LUC7L: variants seen among roughly 807,000 people sequenced by gnomAD.
The protein encoded by LUC7L is LUC7 like.
LUC7L carries 29 observed loss-of-function variants against 51.1 expected under a neutral mutation model. The observed-to-expected ratio is 0.57, with a 90% CI of 0.42 to 0.77. LUC7L has a LOEUF of 0.77. LUC7L is among the 30% of genes least tolerant of loss of function. The pLI is 0.00. For missense variants in LUC7L, 403 were observed against 511.9 expected (o/e 0.79, Z 2.05); for synonymous variants, 181 against 180.7 (o/e 1.00, Z -0.01).
chr16:203,373 C>T (rs924808528), intron 5 of LUC7L, among the ~76,000 whole-genome samples: 1 of 152,080 alleles, frequency 6.6e-6, no homozygotes, highest in African/African-American at 2.4e-5. Flanking sequence ...CTAACTCCTT[C>T]TATGGGGACA....
intron 6 of LUC7L, among the ~76,000 whole-genome samples, chr16:198,673 G>A (rs181034559): frequency 6.6e-6 from 1 of 152,082 alleles, no homozygotes; most frequent in African/African-American, 2.4e-5. Flanking sequence ...AGTTCTTAGA[G>A]ATCAGAACAT....
chr16:210,482 A>C (rs1278903725), intron 3 of LUC7L, among the ~76,000 whole-genome samples: 1 of 152,176 alleles, frequency 6.6e-6, no homozygotes, highest in Non-Finnish European at 1.5e-5. Flanking sequence ...GGAGCTGACA[A>C]GGGTCACTGT....
intron 7 of LUC7L, among the ~76,000 whole-genome samples, chr16:192,415 T>A (rs557311052): frequency 6.6e-6 from 1 of 152,002 alleles, no homozygotes; most frequent in African/African-American, 2.4e-5. Flanking sequence ...CTCCAACAGC[T>A]TGGATCCCTT....
intron 2 of LUC7L, among the ~76,000 whole-genome samples, chr16:222,977 A>C (rs1156561609): frequency 2.0e-5 from 3 of 150,700 alleles, no homozygotes; most frequent in Admixed American, 6.6e-5. Flanking sequence ...AAAAGAAAGG[A>C]AGGCTTTAAA....
At chr16:224,361 A>T (rs1416642558) in intron 2 of LUC7L, among the ~76,000 whole-genome samples, 1 of 150,992 alleles carries the variant, frequency 6.6e-6, no homozygotes, top group Non-Finnish European at 1.5e-5. Flanking sequence ...TCTACTAAAA[A>T]TACAAAAATT....
intron 3 of LUC7L, among the ~76,000 whole-genome samples, chr16:216,380 G>GTTTTTTTT (rs34292372): frequency 9.3e-6 from 1 of 107,306 alleles, no homozygotes; most frequent in Non-Finnish European, 1.8e-5. Flanking sequence ...TCAAATAGTT[G>GTTTTTTTT]TTTTTTTTTT....
rs574646859 is a variant in LUC7L at position 193,266 on chromosome 16, C to T, written c.688-251G>A. 1.3e-4 allele frequency among the ~76,000 whole-genome samples: 19 copies of T among 151,572 alleles called. 1 individual carries two copies. In the East Asian group the frequency reaches 3.5e-3, roughly 28 times the overall value. On this transcript the variant is annotated intron_variant, in intron 6 of 9. Coordinates refer to ENST00000293872, the MANE Select transcript of LUC7L (RefSeq NM_201412.3). ...AGTTCAACCTATTCTTCTGCCTCGG[C>T]CTCCCAAGTAGCTGGGATTACAGGC...
chr16:190,416 C>G (rs1450731540), intron 8 of LUC7L, 125 bp downstream of exon 8: 1 of 1,044,380 alleles, frequency 9.6e-7, no homozygotes, highest in Non-Finnish European at 1.5e-6. Flanking sequence ...ACCTCTTGCC[C>G]TGTGCCCTTC....
In LUC7L at chr16:206,022, C is replaced by T. The variant is rs144861984; in HGVS notation, c.492G>A (p.Ala164=). The T allele has an allele frequency of 2.0e-4, 320 of 1,610,964 alleles. No homozygotes were observed. The highest frequency in any genetic ancestry group is 4.7e-4 in the South Asian group (42 of 90,220). Residue 164 remains alanine, a synonymous_variant, in exon 5 of 10, where the codon GCG becomes GCA. Coordinates refer to ENST00000293872, the MANE Select transcript of LUC7L (RefSeq NM_201412.3). ...CACCAACCTCAGCTTCTTTTTTCTT[C>T]GCACGAACTTTTTCCACTTCCATAA... ...KILMEVEKVR[A]KKKEAEEEYR... is the part of the protein sequence containing the mutation.
At position 208,107 on chromosome 16, in the gene LUC7L, C is replaced by G. The variant is rs143729686; in HGVS notation, c.337G>C (p.Glu113Gln). 19 of 1,613,546 alleles carry G rather than the reference C, an allele frequency of 1.2e-5. No homozygotes were observed. The highest frequency in any genetic ancestry group is 1.6e-5 in the Non-Finnish European group (19 of 1,179,830). ...LAKKRLAETQ[E>Q]EISAEVSAKA... The stretch of plus-strand genomic sequence containing the variant: ...GCAGAAACTTCCGCACTGATTTCCT[C>G]CTGTGTTTCTGCCAGCCGCTTCTTG... The change falls in exon 4 of 10, where the codon GAG becomes CAG. Residue 113 changes from glutamate (E) to glutamine (Q), a missense_variant. By Grantham distance (29) the Glu-to-Gln change is conservative. Coordinates refer to ENST00000293872, the MANE Select transcript of LUC7L (RefSeq NM_201412.3).
chr16:215,810 A>G (rs1195675747), intron 3 of LUC7L, among the ~76,000 whole-genome samples: 1 of 151,258 alleles, frequency 6.6e-6, no homozygotes, highest in East Asian at 2.0e-4. Context: ...CAAAAAAAAA[A>G]AAAACATCGA....
At chr16:191,584 C>T (rs539018961) in intron 7 of LUC7L, among the ~76,000 whole-genome samples, 5 of 152,338 alleles carry the variant, frequency 3.3e-5, no homozygotes, top group Admixed American at 6.5e-5. Flanking sequence ...TGGTGGCTCA[C>T]GCTTGTAATC....
At chr16:221,171 T>A (rs2049955124) in intron 2 of LUC7L, among the ~76,000 whole-genome samples, 1 of 144,320 alleles carries the variant, frequency 6.9e-6, no homozygotes, top group Admixed American at 7.1e-5. Flanking sequence ...AGGCACGTGA[T>A]ACCACACCCA....
intron 2 of LUC7L, among the ~76,000 whole-genome samples, chr16:222,238 C>T (rs188352119): frequency 3.0e-4 from 46 of 150,896 alleles, no homozygotes; most frequent in Non-Finnish European, 5.3e-4. Flanking sequence ...TGAGGATCAT[C>T]GTGTCAAGTT....
chr16:204,835 G>A (rs1266442992), intron 5 of LUC7L, among the ~76,000 whole-genome samples: 2 of 152,056 alleles, frequency 1.3e-5, no homozygotes, highest in African/African-American at 4.8e-5. Context: ...ATCACTAGTG[G>A]CATATGGATC....
At chr16:205,685 G>A (rs1225706969) in intron 5 of LUC7L, among the ~76,000 whole-genome samples, 4 of 152,206 alleles carry the variant, frequency 2.6e-5, no homozygotes, top group African/African-American at 9.7e-5. Flanking sequence ...CGCCTCCCGG[G>A]TTCACGCCAT....
intron 3 of LUC7L, among the ~76,000 whole-genome samples, chr16:209,954 G>C (rs2049593150): frequency 6.6e-6 from 1 of 152,212 alleles, no homozygotes; most frequent in South Asian, 2.1e-4. Context: ...CACTGATGAA[G>C]GCTGACTCCC....
chr16:226,928 G>A (rs776452854), intron 2 of LUC7L, among the ~76,000 whole-genome samples: 4 of 152,208 alleles, frequency 2.6e-5, no homozygotes, highest in Non-Finnish European at 4.4e-5. Context: ...GGAGGATTGA[G>A]AAAGGAGCAG....
At chr16:206,890 TA>T (rs67775388) in intron 4 of LUC7L, among the ~76,000 whole-genome samples, 22,396 of 99,244 alleles carry the variant, frequency 0.23, 2,155 homozygotes, top group African/African-American at 0.31. Context: ...CCATCTTTAT[TA>T]AAAAAAAAAA....
Sources: allele counts gnomAD v4.1 joint callset (sites outside exome capture counted in the v4.1 genomes callset), GRCh38; gene constraint gnomAD v4.1.1; transcripts MANE v1.5; gene names NCBI Gene and HGNC (gene_info 2026-07-23, HGNC 2026-07-21).